The following PEAK3 variants were observed in gnomAD, a reference collection of about 807,000 sequenced individuals.
PEAK3 encodes protein PEAK3.
A neutral mutation model predicts 13.3 loss-of-function variants in PEAK3; 15 were observed. The observed-to-expected ratio is 1.13, with a 90% CI of 0.75 to 1.73. The LOEUF (loss-of-function observed/expected upper bound fraction) is 1.73, where lower values mean the gene tolerates loss of function less well. PEAK3 is among the 40% of genes most tolerant of loss of function. PEAK3 has a pLI of 0.00. For synonymous variants in PEAK3, 347 were observed against 341.9 expected, an observed-to-expected ratio of 1.01 and a Z score of -0.17; for missense variants, 739 against 690.2, an observed-to-expected ratio of 1.07 and a Z score of -0.79.
intron 1 of PEAK3, 37 bp from the exon 2 acceptor site, chr19:2,280,972 C>G (rs752538010): frequency 7.3e-7 from 1 of 1,374,340 alleles, no homozygotes; most frequent in East Asian, 2.5e-5. Context: ...GTGGGGTGAC[C>G]GTGTGCACGC....
rs536160219 is a variant in PEAK3 at position 2,277,568 on chromosome 19, T to C, written c.612+1016A>G. On this transcript the variant is annotated intron_variant, in intron 3 of 3. Transcript: ENST00000342063. ...TTTTCTTTTTTCTTCTCTTTTGTTT[T>C]TCTTTTTTGAGACAGAGTCTCACTC... is the stretch of plus-strand genomic sequence containing the variant. Among the ~76,000 whole-genome samples, 4 of 152,278 alleles carry C rather than the reference T, an allele frequency of 2.6e-5. No homozygotes were observed. In the South Asian group the frequency reaches 8.3e-4, roughly 32 times the overall value.
chr19:2,279,024 G>T lies in PEAK3; in HGVS notation c.172C>A (p.Pro58Thr), dbSNP rs1189784672. The T allele has an allele frequency of 1.3e-6, 2 of 1,540,542 alleles. No homozygotes were observed. Among genetic ancestry groups the T allele is most frequent in the Middle Eastern group, 1.7e-4 (1 of 5,730 alleles). The stretch of plus-strand genomic sequence containing the variant: ...CGGGTTAGGATCTTCTTGGGCAGGG[G>T]TGGGGGCAGGGGCTCTGGGTTGGTG... ...LSTNPEPLPPPLPKKILTRTQ... is the reference protein window; with the variant it reads ...LSTNPEPLPPTLPKKILTRTQ... The change falls in exon 3 of 4, where the codon CCC becomes ACC. Residue 58 changes from proline (P) to threonine (T), a missense_variant. By Grantham distance (38) the Pro-to-Thr change is conservative. Transcript: ENST00000342063.
chr19:2,275,898 G>GC lies in PEAK3; in HGVS notation c.1203dup (p.Pro402AlafsTer4). 7.2e-7 allele frequency: 1 copy of GC among 1,390,318 alleles called. No individual in the cohort carries two copies. The highest frequency in any genetic ancestry group is 9.3e-7 in the Non-Finnish European group (1 of 1,080,104). The allele number at this position is 1,390,318 out of a possible 1,614,324, so 86.1% of individuals were successfully genotyped here. On this transcript the variant is annotated frameshift_variant, in exon 4 of 4. Coordinates refer to ENST00000342063, the MANE Select transcript of PEAK3 (RefSeq NM_198532.3). LOFTEE classifies it low-confidence loss of function (END_TRUNC). ...CCGCGGCCGCGCAGCTCAGGCCCGG[G>GC]CCCCCAGAGCAGCGCCTGCAGCGCG...
At chr19:2,276,766 T>G (rs2025394470) in intron 3 of PEAK3, among the ~76,000 whole-genome samples, 1 of 152,104 alleles carries the variant, frequency 6.6e-6, no homozygotes, top group Non-Finnish European at 1.5e-5. Context: ...GGCTCACGCC[T>G]TCCCAGCACT....
chr19:2,275,969 G>A lies in PEAK3; in HGVS notation c.1133C>T (p.Ala378Val). ...GGGCCGCAAGCGGGTCAGCTGTGCT[G>A]CCAGGAGCTCCAGGCCCGCGGCCAA... is the stretch of plus-strand genomic sequence containing the variant. ...TPLAAGLELL[A>V]AQLTRLRPSA... The change falls in exon 4 of 4, where the codon GCA (alanine) becomes GTA (valine). Residue 378 changes from alanine (A) to valine (V), a missense_variant. Physicochemically the swap from Ala to Val is moderately conservative, Grantham distance 64. Coordinates refer to ENST00000342063, the MANE Select transcript of PEAK3 (RefSeq NM_198532.3). 7.1e-7 allele frequency: 1 copy of A among 1,416,516 alleles called. No individual in the cohort carries two copies. Among genetic ancestry groups the A allele is most frequent in the Non-Finnish European group, 9.2e-7 (1 of 1,092,182 alleles). 87.7% of individuals were successfully genotyped at this position (1,416,516 alleles called of 1,614,324 possible). A position where few individuals can be genotyped will look rare whatever the true frequency, so the allele number is the denominator to read the frequency against.
At chr19:2,279,230 G>T in intron 2 of PEAK3, 117 bp from the exon 3 acceptor site, 1 of 876,780 alleles carries the variant, frequency 1.1e-6, no homozygotes, top group Non-Finnish European at 1.6e-6. Flanking sequence ...GAGGCTGGGC[G>T]CCGGTGGCTC....
chr19:2,278,681 C>A lies in PEAK3; in HGVS notation c.515G>T (p.Arg172Leu). 1 of 1,525,658 alleles carries A rather than the reference C, an allele frequency of 6.6e-7. No homozygotes were observed. Among genetic ancestry groups the A allele is most frequent in the Non-Finnish European group, 8.8e-7 (1 of 1,136,402 alleles). 94.5% of individuals were successfully genotyped at this position (1,525,658 alleles called of 1,614,324 possible). ...PGPCHPGHSF[R>L]LLDSSPCAES... Reference sequence around the variant, plus strand: ...TGCGCAGGGTGAGCTGTCTAGGAGGCGGAAGCTGTGGCCGGGGTGGCAGGG... The same window carrying A: ...TGCGCAGGGTGAGCTGTCTAGGAGGAGGAAGCTGTGGCCGGGGTGGCAGGG... Residue 172 changes from arginine to leucine, a missense_variant, in exon 3 of 4, where the codon CGC (arginine) becomes CTC (leucine). Transcript: ENST00000342063.
At chr19:2,277,755 G>C (rs1212927993) in intron 3 of PEAK3, among the ~76,000 whole-genome samples, 1 of 150,448 alleles carries the variant, frequency 6.6e-6, no homozygotes, top group African/African-American at 2.5e-5. Flanking sequence ...TAGTAGAGAT[G>C]GGGGTTTCAC....
rs771600212 is a variant in PEAK3 at position 2,278,631 on chromosome 19, G to T, written c.565C>A (p.Arg189Ser). 6.7e-7 allele frequency: 1 copy of T among 1,502,870 alleles called. No individual in the cohort carries two copies. The highest frequency in any genetic ancestry group is 8.9e-7 in the Non-Finnish European group (1 of 1,125,636). The allele number at this position is 1,502,870 out of a possible 1,614,324, so 93.1% of individuals were successfully genotyped here. Residue 189 changes from arginine to serine, a missense_variant, in exon 3 of 4, where the codon CGC becomes AGC. Transcript: ENST00000342063. ...GCGTCCTCGTGCGCGCGCACCACGC[G>T]GTAATACAGGGCGTCCCCGCTCTCT... ...CAESGDALYY[R>S]VVRAHEDAWH...
In PEAK3 at chr19:2,278,618, G is replaced by A. The variant is rs149444944; in HGVS notation, c.578C>T (p.Ala193Val). 118 of 1,495,928 alleles carry A rather than the reference G, an allele frequency of 7.9e-5. No homozygotes were observed. The African/African-American group carries it at 1.4e-3, about 18-fold the overall frequency. 92.7% of individuals were successfully genotyped at this position (1,495,928 alleles called of 1,614,324 possible). ...GDALYYRVVR[A>V]HEDAWHILVA... Reference sequence around the variant, plus strand: ...CAGGATGTGCCAGGCGTCCTCGTGCGCGCGCACCACGCGGTAATACAGGGC... The same window carrying A: ...CAGGATGTGCCAGGCGTCCTCGTGCACGCGCACCACGCGGTAATACAGGGC... The change falls in exon 3 of 4, where the codon GCG (alanine) becomes GTG (valine). Residue 193 changes from alanine (A) to valine (V), a missense_variant. Transcript: ENST00000342063.
Position 2,275,695 on chromosome 19 carries a change from C to T in PEAK3, c.1407G>A (p.Ala469=). 1 of 1,500,620 alleles carries T rather than the reference C, an allele frequency of 6.7e-7. No individual in the cohort carries two copies. 93.0% of individuals were successfully genotyped at this position (1,500,620 alleles called of 1,614,324 possible). The change falls in exon 4 of 4, where the codon GCG becomes GCA. Residue 469 remains alanine (A), a synonymous_variant. Coordinates refer to ENST00000342063, the MANE Select transcript of PEAK3 (RefSeq NM_198532.3). ...TGGGTTGGGGTCAGTCCCACAGCAG[C>T]GCCAGGGCCTGGCCCATCGAGGACT... ...ATESSMGQAL[A]LLWD
chr19:2,275,949 G>T lies in PEAK3; in HGVS notation c.1153C>A (p.Arg385=). The T allele has an allele frequency of 1.4e-6, 2 of 1,396,236 alleles. No individual in the cohort carries two copies. The highest frequency in any genetic ancestry group is 3.1e-5 in the South Asian group (2 of 64,836). 86.5% of individuals were successfully genotyped at this position (1,396,236 alleles called of 1,614,324 possible). A position where few individuals can be genotyped will look rare whatever the true frequency, so the allele number is the denominator to read the frequency against. Reference sequence around the variant, plus strand: ...CCCCGCGTCCGGGACGCCGAGGGCCGCAAGCGGGTCAGCTGTGCTGCCAGG... The same window carrying T: ...CCCCGCGTCCGGGACGCCGAGGGCCTCAAGCGGGTCAGCTGTGCTGCCAGG... The part of the protein sequence containing the change: ...ELLAAQLTRL[R]PSASRTRGAL... The change falls in exon 4 of 4, where the codon CGG becomes AGG. Residue 385 remains arginine (R), a synonymous_variant. Coordinates refer to ENST00000342063, the MANE Select transcript of PEAK3 (RefSeq NM_198532.3).
At chr19:2,280,277 G>A (rs1170016129) in intron 2 of PEAK3, among the ~76,000 whole-genome samples, 1 of 151,374 alleles carries the variant, frequency 6.6e-6, no homozygotes, top group African/African-American at 2.4e-5. Context: ...GGCCAGGCTG[G>A]TCTTGAACTC....
In PEAK3 at chr19:2,275,642, G is replaced by A. The variant is rs770188360; in HGVS notation, c.*38C>T. 2.2e-6 allele frequency: 3 copies of A among 1,380,300 alleles called. No homozygotes were observed. The highest frequency in any genetic ancestry group is 3.0e-5 in the East Asian group (1 of 33,844). The allele number at this position is 1,380,300 out of a possible 1,614,324, so 85.5% of individuals were successfully genotyped here. A position where few individuals can be genotyped will look rare whatever the true frequency, so the allele number is the denominator to read the frequency against. The stretch of plus-strand genomic sequence containing the variant: ...ACCTCAGCCCCAGCCCTGCCTCCTG[G>A]GCAGGCCTGGACCAGGTGTGTTCGC... On this transcript the variant is annotated 3_prime_UTR_variant, in exon 4 of 4. Transcript: ENST00000342063.
chr19:2,280,719 G>C (rs1056325778), intron 2 of PEAK3, 131 bp downstream of exon 2: 3 of 697,696 alleles, frequency 4.3e-6, no homozygotes, highest in Non-Finnish European at 7.2e-6. Context: ...CATTTTACCA[G>C]CTGCTGCTGT....
rs542705880 is a variant in PEAK3, at chr19:2,275,497, G to A, written c.*183C>T. The A allele has an allele frequency of 1.7e-5, 8 of 483,642 alleles. No homozygotes were observed. In the South Asian group the frequency reaches 3.9e-4, roughly 23 times the overall value. The allele number at this position is 483,642 out of a possible 1,614,324, so 30.0% of individuals were successfully genotyped here. On this transcript the variant is annotated 3_prime_UTR_variant, in exon 4 of 4. Transcript: ENST00000342063. ...CCCTGGAGGGGCAGCTGCATTCCTG[G>A]GAAGCCCTTGACCCACATCCCCAGC...
rs139139849 is a variant in PEAK3, at chr19:2,279,153, G to C, written c.83-40C>G. 179 of 1,381,668 alleles carry C rather than the reference G, an allele frequency of 1.3e-4. No homozygotes were observed. In the African/African-American group the frequency reaches 2.2e-3, roughly 17 times the overall value. The allele number at this position is 1,381,668 out of a possible 1,614,324, so 85.6% of individuals were successfully genotyped here. A position where few individuals can be genotyped will look rare whatever the true frequency, so the allele number is the denominator to read the frequency against. On this transcript the variant is annotated intron_variant, in intron 2 of 3. Transcript: ENST00000342063. ...AGTGGGGGAGGGTTGAGGACAGGCG[G>C]AGTGGGAACGGGACACGTGACTCCA...
intron 3 of PEAK3, among the ~76,000 whole-genome samples, chr19:2,277,720 C>T (rs1034254169): frequency 2.6e-5 from 4 of 152,102 alleles, no homozygotes; most frequent in African/African-American, 9.7e-5. Context: ...TGCGCACCAC[C>T]GCGCCCGGCT....
At chr19:2,278,350 T>G in intron 3 of PEAK3, among the ~76,000 whole-genome samples, 1 of 121,788 alleles carries the variant, frequency 8.2e-6, no homozygotes, top group East Asian at 2.9e-4. Flanking sequence ...TAGTAGAGGC[T>G]GGGTTTCACC....
Sources: allele counts gnomAD v4.1 joint callset (sites outside exome capture counted in the v4.1 genomes callset), GRCh38; gene constraint gnomAD v4.1.1; transcripts MANE v1.5; gene names NCBI Gene and HGNC (gene_info 2026-07-23, HGNC 2026-07-21).